CWF19L2: variants seen among roughly 807,000 people sequenced by gnomAD.
CWF19L2 encodes CWF19 like cell cycle control factor 2.
CWF19L2 carries 98 observed loss-of-function variants against 111.7 expected under a neutral mutation model. That is an observed-to-expected ratio of 0.88 (90% CI 0.75 to 1.04). The LOEUF is 1.04. Ranked by LOEUF, CWF19L2 falls within the 50% of genes least tolerant of loss-of-function variation. CWF19L2 has a pLI of 0.00. For missense variants in CWF19L2, 1,101 were observed against 1,051.4 expected, an observed-to-expected ratio of 1.05 and a Z score of -0.65; for synonymous variants, 351 against 342.9, an observed-to-expected ratio of 1.02 and a Z score of -0.26.
chr11:107,419,076 T>C lies in CWF19L2; in HGVS notation c.1434-789A>G, dbSNP rs1444323805. On this transcript the variant is annotated intron_variant, in intron 8 of 17. Coordinates refer to ENST00000282251, the MANE Select transcript of CWF19L2 (RefSeq NM_152434.3). Reference sequence around the variant, plus strand: ...AGAACTGCAGAGGGTTCCCCTTGAGTACTCAGCAAGAAACCACCTGCAGTC... The same window carrying C: ...AGAACTGCAGAGGGTTCCCCTTGAGCACTCAGCAAGAAACCACCTGCAGTC... Among the ~76,000 whole-genome samples the C allele has an allele frequency of 2.0e-5, 3 of 152,096 alleles. No homozygotes were observed. The East Asian group carries it at 5.8e-4, about 29-fold the overall frequency.
chr11:107,361,672 C>T (rs991663023), intron 12 of CWF19L2, among the ~76,000 whole-genome samples: 1 of 152,284 alleles, frequency 6.6e-6, no homozygotes. Context: ...TTATACTTTT[C>T]CCTGTAGAGA....
intron 10 of CWF19L2, among the ~76,000 whole-genome samples, chr11:107,399,512 C>T (rs956019735): frequency 3.3e-5 from 5 of 152,144 alleles, no homozygotes; most frequent in Non-Finnish European, 7.4e-5. Flanking sequence ...CCTTGTCCAA[C>T]AGGAAAATAT....
chr11:107,361,607 G>C (rs1860338738), intron 12 of CWF19L2, among the ~76,000 whole-genome samples: 1 of 152,210 alleles, frequency 6.6e-6, no homozygotes, highest in Non-Finnish European at 1.5e-5. Flanking sequence ...TGGTCCATGA[G>C]AATGGGATGT....
intron 8 of CWF19L2, among the ~76,000 whole-genome samples, chr11:107,424,924 G>T (rs1447596513): frequency 1.3e-5 from 2 of 151,740 alleles, no homozygotes; most frequent in African/African-American, 2.4e-5. Context: ...TTTATTTTGT[G>T]AACACCACAG....
At chr11:107,415,483 T>C (rs1861212629) in intron 10 of CWF19L2, among the ~76,000 whole-genome samples, 1 of 152,200 alleles carries the variant, frequency 6.6e-6, no homozygotes, top group African/African-American at 2.4e-5. Context: ...TGCAGGTAGG[T>C]GTTTTTATTT....
intron 10 of CWF19L2, chr11:107,403,909 C>G: frequency 4.9e-6 from 4 of 817,556 alleles, no homozygotes; most frequent in Non-Finnish European, 8.5e-6. Context: ...CTAGTTTTCA[C>G]TGAGGAACCA....
At chr11:107,408,050 CA>C (rs1006203964) in intron 10 of CWF19L2, among the ~76,000 whole-genome samples, 6 of 151,914 alleles carry the variant, frequency 3.9e-5, no homozygotes, top group Non-Finnish European at 8.8e-5. Context: ...GGCAAAGTTA[CA>C]AAATGGTAAC....
intron 17 of CWF19L2, among the ~76,000 whole-genome samples, chr11:107,328,680 A>G (rs1859799256): frequency 6.6e-6 from 1 of 152,326 alleles, no homozygotes. Context: ...ACAACTTTTT[A>G]AAAATGGATA....
At chr11:107,403,343 C>A in intron 10 of CWF19L2, 1 of 541,400 alleles carries the variant, frequency 1.8e-6, no homozygotes, top group South Asian at 2.5e-5. Context: ...TTTAAAAAAC[C>A]AAAAAACTTT....
chr11:107,451,178 A>C (rs940842952), intron 3 of CWF19L2, among the ~76,000 whole-genome samples: 3 of 151,064 alleles, frequency 2.0e-5, no homozygotes, highest in African/African-American at 7.3e-5. Flanking sequence ...TCAATAACCC[A>C]AAAAAAAACT....
At chr11:107,388,679 A>G (rs952661161) in intron 12 of CWF19L2, among the ~76,000 whole-genome samples, 6 of 152,052 alleles carry the variant, frequency 3.9e-5, no homozygotes, top group African/African-American at 1.4e-4. Context: ...CACGCCCGGC[A>G]CTATTACAAT....
intron 6 of CWF19L2, among the ~76,000 whole-genome samples, chr11:107,435,907 G>A (rs12277234): frequency 9.2e-5 from 14 of 152,166 alleles, no homozygotes; most frequent in Admixed American, 8.5e-4. Context: ...TGTAATCCCA[G>A]CACTTTGGGA....
chr11:107,402,572 G>A (rs549390127), intron 10 of CWF19L2, among the ~76,000 whole-genome samples: 4 of 151,826 alleles, frequency 2.6e-5, no homozygotes, highest in African/African-American at 7.2e-5. Flanking sequence ...TCAAAAAATC[G>A]AAAAACAGTA....
intron 10 of CWF19L2, chr11:107,403,992 C>T: frequency 1.2e-6 from 1 of 821,460 alleles, no homozygotes; most frequent in Non-Finnish European, 2.2e-6. Flanking sequence ...TCTGGCACCA[C>T]ACTCTCACTA....
intron 10 of CWF19L2, among the ~76,000 whole-genome samples, chr11:107,398,046 C>G (rs1247144990): frequency 6.6e-6 from 1 of 152,182 alleles, no homozygotes; most frequent in African/African-American, 2.4e-5. Flanking sequence ...AGCCCTAGAC[C>G]TTCCCTTTGA....
At position 107,358,656 on chromosome 11, in the gene CWF19L2, T is replaced by C. The variant is rs372017054; in HGVS notation, c.1873-4920A>G. Reference sequence around the variant, plus strand: ...GAAATGTCGAGAACAGGGAAATCTATAGACAAAATAGATTAGTAGCTGCTT... The same window carrying C: ...GAAATGTCGAGAACAGGGAAATCTACAGACAAAATAGATTAGTAGCTGCTT... On this transcript the variant is annotated intron_variant, in intron 12 of 17. Coordinates refer to ENST00000282251, the MANE Select transcript of CWF19L2 (RefSeq NM_152434.3). Among the ~76,000 whole-genome samples the C allele has an allele frequency of 4.6e-5, 7 of 152,354 alleles. No individual in the cohort carries two copies. The East Asian group carries it at 1.2e-3, about 25-fold the overall frequency.
intron 2 of CWF19L2, 31 bp downstream of exon 2, chr11:107,455,635 C>A: frequency 7.9e-7 from 1 of 1,268,026 alleles, no homozygotes; most frequent in Non-Finnish European, 1.1e-6. Context: ...GGACAGATAT[C>A]CTTACATCAC....
intron 13 of CWF19L2, among the ~76,000 whole-genome samples, chr11:107,352,090 A>C (rs1860163536): frequency 6.6e-6 from 1 of 152,186 alleles, no homozygotes; most frequent in Non-Finnish European, 1.5e-5. Context: ...TACCCACTTA[A>C]GACAGCTTAT....
chr11:107,327,226 G>A (rs1308190432), intron 17 of CWF19L2, among the ~76,000 whole-genome samples, 173 bp from the exon 18 acceptor site: 1 of 152,044 alleles, frequency 6.6e-6, no homozygotes, highest in Non-Finnish European at 1.5e-5. Flanking sequence ...ATTCTAACTA[G>A]GCAAACCGTG....
Sources: allele counts gnomAD v4.1 joint callset (sites outside exome capture counted in the v4.1 genomes callset), GRCh38; gene constraint gnomAD v4.1.1; transcripts MANE v1.5; gene names NCBI Gene and HGNC (gene_info 2026-07-23, HGNC 2026-07-21).